DPP6: variants seen among roughly 807,000 people sequenced by gnomAD.
DPP6 encodes A-type potassium channel modulatory protein DPP6.
DPP6 carries 69 observed loss-of-function variants against 122.6 expected under a neutral mutation model. The ratio of observed to expected loss-of-function variants is 0.56; its 90% CI spans 0.46 to 0.69. DPP6 has a LOEUF of 0.69. Ranked by LOEUF, DPP6 falls within the 30% of genes least tolerant of loss-of-function variation. The pLI, the probability that DPP6 is intolerant of heterozygous loss-of-function variation, is 0.00. For missense variants in DPP6, 928 were observed against 1,116.9 expected (o/e 0.83, Z 2.41); for synonymous variants, 418 against 433.1 (o/e 0.97, Z 0.43).
chr7:153,946,921 A>T (rs1328763628), intron 1 of DPP6, among the ~76,000 whole-genome samples: 2 of 152,058 alleles, frequency 1.3e-5, no homozygotes, highest in African/African-American at 2.4e-5. Flanking sequence ...CCCGACATAA[A>T]ATGCGAATTT....
At chr7:154,807,476 A>G (rs934608113) in intron 16 of DPP6, among the ~76,000 whole-genome samples, 1 of 152,210 alleles carries the variant, frequency 6.6e-6, no homozygotes, top group Non-Finnish European at 1.5e-5. Flanking sequence ...CAATCCATCA[A>G]TAAAGATAGG....
chr7:154,882,020 CAGGG>C (rs1398277795), intron 21 of DPP6, among the ~76,000 whole-genome samples: 1 of 152,238 alleles, frequency 6.6e-6, no homozygotes, highest in African/African-American at 2.4e-5. Context: ...AGCTGAAAGG[CAGGG>C]AGCCTGGGCC....
chr7:154,621,265 A>G (rs1238772177), intron 5 of DPP6, among the ~76,000 whole-genome samples: 1 of 152,228 alleles, frequency 6.6e-6, no homozygotes, highest in Non-Finnish European at 1.5e-5. Context: ...CATGTATTAA[A>G]AATCTCCACG....
At chr7:154,764,184 G>T (rs1795753484) in intron 8 of DPP6, among the ~76,000 whole-genome samples, 1 of 152,144 alleles carries the variant, frequency 6.6e-6, no homozygotes, top group Non-Finnish European at 1.5e-5. Flanking sequence ...AGCTAAAATG[G>T]CACCTGTTGG....
chr7:153,920,561 C>CTTTTTTTTTTTT (rs1489811189), intron 1 of DPP6, among the ~76,000 whole-genome samples: 2,458 of 61,376 alleles, frequency 0.04, 245 homozygotes, highest in East Asian at 0.05. Context: ...TTTTATCTCT[C>CTTTTTTTTTTTT]TCTTTTTTTT....
intron 8 of DPP6, among the ~76,000 whole-genome samples, chr7:154,749,485 GGA>G (rs1258617565): frequency 1.2e-3 from 154 of 131,618 alleles, no homozygotes; most frequent in African/African-American, 4.3e-3. Flanking sequence ...GCATAGGACG[GGA>G]GAGAGAGGGA....
At chr7:153,787,197 G>A in the DPP6 span, among the ~76,000 whole-genome samples, 5 of 128,744 alleles carry the variant, frequency 3.9e-5, no homozygotes, top group Non-Finnish European at 6.8e-5. Flanking sequence ...TGATCCACCC[G>A]CCTCGGCCTC....
intron 1 of DPP6, among the ~76,000 whole-genome samples, chr7:154,352,714 T>C (rs1031201263): frequency 1.3e-5 from 2 of 152,064 alleles, no homozygotes; most frequent in Admixed American, 6.5e-5. Context: ...TTAGGACAAG[T>C]ACCTCATGCA....
chr7:154,052,189 A>G (rs1433595414), upstream of DPP6, among the ~76,000 whole-genome samples: 1 of 151,014 alleles, frequency 6.6e-6, no homozygotes, highest in Non-Finnish European at 1.5e-5. The surrounding 1 kb of genome is among the most constrained non-coding windows in gnomAD (Gnocchi z 4.8). Context: ...CCCCGCACCC[A>G]CGACCCGCGT....
intron 1 of DPP6, among the ~76,000 whole-genome samples, chr7:154,278,574 A>G (rs1409825821): frequency 7.2e-5 from 11 of 152,236 alleles, no homozygotes; most frequent in Admixed American, 7.2e-4. Flanking sequence ...ATATTTGGCT[A>G]TAGGTGGTGC....
intron 16 of DPP6, among the ~76,000 whole-genome samples, chr7:154,824,145 G>A (rs188723327): frequency 6.6e-6 from 1 of 152,122 alleles, no homozygotes; most frequent in Non-Finnish European, 1.5e-5. Context: ...AGGATTCCTC[G>A]CCTTACACAA....
In DPP6 at chr7:154,793,768, G is replaced by A. The variant is rs2150428404; in HGVS notation, c.1137-311G>A. ...TGTGAAAGTCAAGGCATCAGCTGGA[G>A]AGACGAGACCTCAAAACCCACGGAG... On this transcript the variant is annotated intron_variant, in intron 10 of 25. Coordinates refer to ENST00000377770, the MANE Select transcript of DPP6 (RefSeq NM_130797.4). The A allele has an allele frequency of 1.3e-5, 3 of 238,566 alleles. 1 individual carries two copies. In the South Asian group the frequency reaches 2.8e-4, roughly 22 times the overall value. The allele number at this position is 238,566 out of a possible 1,614,324, so 14.8% of individuals were successfully genotyped here. A position where few individuals can be genotyped will look rare whatever the true frequency, so the allele number is the denominator to read the frequency against.
chr7:154,718,667 T>G (rs1260224741), intron 7 of DPP6, among the ~76,000 whole-genome samples: 2 of 146,974 alleles, frequency 1.4e-5, no homozygotes, highest in African/African-American at 5.0e-5. Flanking sequence ...GAGACTGAGT[T>G]TTGCTCTTGT....
chr7:154,105,754 G>A (rs1429696411), intron 1 of DPP6, among the ~76,000 whole-genome samples: 1 of 152,100 alleles, frequency 6.6e-6, no homozygotes, highest in African/African-American at 2.4e-5. Flanking sequence ...CGTGGAAGAC[G>A]TGCCTTTACT....
intron 2 of DPP6, among the ~76,000 whole-genome samples, chr7:154,446,949 G>A (rs1160948250): frequency 1.3e-5 from 2 of 152,134 alleles, no homozygotes; most frequent in African/African-American, 4.8e-5. Context: ...ATGGAGTAAT[G>A]GTAGGAATTT....
intron 1 of DPP6, among the ~76,000 whole-genome samples, chr7:154,041,758 T>G (rs7788643): frequency 0.062 from 9,257 of 149,830 alleles, 321 homozygotes; most frequent in East Asian, 0.1. Context: ...TTGTTTTTTT[T>G]GTTGTTTGTT....
chr7:153,799,737 G>A, the DPP6 span, among the ~76,000 whole-genome samples: 3 of 152,236 alleles, frequency 2.0e-5, no homozygotes, highest in South Asian at 4.2e-4. Context: ...ATAATAAAAT[G>A]TGTTTACACT....
intron 5 of DPP6, among the ~76,000 whole-genome samples, chr7:154,578,091 C>T (rs1344853407): frequency 1.3e-5 from 2 of 152,208 alleles, no homozygotes; most frequent in Non-Finnish European, 2.9e-5. Flanking sequence ...ATATCACACG[C>T]ATTGCCCTTT....
intron 3 of DPP6, among the ~76,000 whole-genome samples, chr7:154,523,796 G>T (rs1432080906): frequency 6.6e-6 from 1 of 152,088 alleles, no homozygotes; most frequent in African/African-American, 2.4e-5. Context: ...ATGTCTACTT[G>T]TCCCATGATT....
Sources: allele counts gnomAD v4.1 joint callset (sites outside exome capture counted in the v4.1 genomes callset), GRCh38; gene constraint gnomAD v4.1.1; non-coding constraint Gnocchi (gnomAD v3.1); transcripts MANE v1.5; gene names NCBI Gene and HGNC (gene_info 2026-07-23, HGNC 2026-07-21).